NALCN: variants seen among roughly 807,000 people sequenced by gnomAD.
NALCN encodes the protein sodium leak channel, non-selective, also known as sodium leak channel NALCN.
A neutral mutation model predicts 225.3 loss-of-function variants in NALCN; 111 were observed. The observed-to-expected ratio is 0.49, with a 90% CI of 0.42 to 0.58. The LOEUF (loss-of-function observed/expected upper bound fraction) is 0.58, where lower values mean the gene tolerates loss of function less well. Among genes scored for constraint, NALCN ranks in the 20% least tolerant of loss-of-function variants. The pLI, the probability that NALCN is intolerant of heterozygous loss-of-function variation, is 0.00. For synonymous variants in NALCN, 764 were observed against 769.0 expected (o/e 0.99, Z 0.11); for missense variants, 1,378 against 2,202.4 (o/e 0.63, Z 7.49).
At position 101,363,352 on chromosome 13, in the gene NALCN, T is replaced by C. The variant is rs993798991; in HGVS notation, c.644+13348A>G. ...GACTTCAAAATATGCTACAAAGCTA[T>C]AGCAACCAAACCAGCATGGTACTGG... On this transcript the variant is annotated intron_variant, in intron 6 of 43. Coordinates refer to ENST00000251127, the MANE Select transcript of NALCN (RefSeq NM_052867.4). Among the ~76,000 whole-genome samples the C allele has an allele frequency of 5.3e-5, 8 of 152,068 alleles. 1 individual carries two copies. Among genetic ancestry groups the C allele is most frequent in the Non-Finnish European group, 8.8e-5 (6 of 67,980 alleles).
Position 101,068,698 on chromosome 13 carries a change from C to CA in NALCN, c.4326dup (p.Val1443CysfsTer15). ...GTATTCAACTAACATCACTTACCTA[C>CA]AAGCAGATTTAGCATGATGTAGGCA... On this transcript the variant is annotated frameshift_variant, in exon 38 of 44. Transcript: ENST00000251127. LOFTEE classifies it high-confidence loss of function. The CA allele has an allele frequency of 6.3e-7, 1 of 1,595,642 alleles. No individual in the cohort carries two copies. Among genetic ancestry groups the CA allele is most frequent in the Non-Finnish European group, 8.5e-7 (1 of 1,172,554 alleles).
At chr13:101,233,936 A>G (rs1241486592) in intron 12 of NALCN, among the ~76,000 whole-genome samples, 1 of 152,080 alleles carries the variant, frequency 6.6e-6, no homozygotes, top group Non-Finnish European at 1.5e-5. Context: ...CCTTTGTGCT[A>G]TTCCTTGAAC....
intron 6 of NALCN, among the ~76,000 whole-genome samples, chr13:101,359,925 G>A (rs1358282586): frequency 6.6e-6 from 1 of 152,080 alleles, no homozygotes; most frequent in Admixed American, 6.5e-5. Flanking sequence ...ATTAAGATTT[G>A]AGAGGTACCT....
intron 18 of NALCN, among the ~76,000 whole-genome samples, chr13:101,114,386 G>A (rs889182660): frequency 4.6e-5 from 7 of 151,930 alleles, no homozygotes; most frequent in East Asian, 1.9e-4. Context: ...CTTTTCCCGC[G>A]TCATGGTGGA....
chr13:101,381,820 T>C (rs1005766952), intron 3 of NALCN, among the ~76,000 whole-genome samples: 8 of 152,102 alleles, frequency 5.3e-5, no homozygotes, highest in African/African-American at 1.7e-4. Flanking sequence ...TGGACTTTTA[T>C]TAAATGAACA....
At chr13:101,256,316 C>A (rs2042227289) in intron 11 of NALCN, among the ~76,000 whole-genome samples, 1 of 152,122 alleles carries the variant, frequency 6.6e-6, no homozygotes, top group African/African-American at 2.4e-5. Flanking sequence ...CCATTCTCCT[C>A]CCATTTCCAC....
At chr13:101,325,326 C>G (rs1431239941) in intron 7 of NALCN, among the ~76,000 whole-genome samples, 1 of 152,156 alleles carries the variant, frequency 6.6e-6, no homozygotes, top group African/African-American at 2.4e-5. Context: ...GTTTGTTGGC[C>G]TAGGTGAAAG....
At chr13:101,149,068 C>A (rs1457251956) in intron 15 of NALCN, among the ~76,000 whole-genome samples, 1 of 152,144 alleles carries the variant, frequency 6.6e-6, no homozygotes, top group Non-Finnish European at 1.5e-5. Flanking sequence ...CCGAGGTGGG[C>A]GGATCACGAG....
In NALCN at chr13:101,399,025, G is replaced by A; in HGVS notation, c.102C>T (p.Asn34=). 6.4e-7 allele frequency: 1 copy of A among 1,562,868 alleles called. No individual in the cohort carries two copies. Among genetic ancestry groups the A allele is most frequent in the Non-Finnish European group, 8.8e-7 (1 of 1,133,472 alleles). The change falls in exon 2 of 44, where the codon AAC becomes AAT. Residue 34 remains asparagine (N), a synonymous_variant. Coordinates refer to ENST00000251127, the MANE Select transcript of NALCN (RefSeq NM_052867.4). ...ACTCAAAGAAGAAACTTACTGGTTT[G>A]TTAATCCAGAGGATGTCAGCATTAT... ...LSDNADILWI[N]KPWVHSLLRI...
rs1445739234 is a variant in NALCN at position 101,107,804 on chromosome 13, A to G, written c.2365-15T>C. ...GTATTGGAATGCTAGAAATAAATTA[A>G]CAGGGGGTGTGTTAAAACAGGAGGG... On this transcript the variant is annotated splice_polypyrimidine_tract_variant and intron_variant, in intron 20 of 43. Coordinates refer to ENST00000251127, the MANE Select transcript of NALCN (RefSeq NM_052867.4). 1.2e-6 allele frequency: 2 copies of G among 1,604,956 alleles called. No individual in the cohort carries two copies. The highest frequency in any genetic ancestry group is 2.2e-5 in the South Asian group (2 of 88,890).
chr13:101,269,211 CATATATATAT>C (rs60240326), intron 10 of NALCN, among the ~76,000 whole-genome samples: 1,461 of 145,310 alleles, frequency 0.01, 23 homozygotes, highest in African/African-American at 0.033. Context: ...AGAAAAAGCT[CATATATATAT>C]ATATATATAT....
At chr13:101,385,007 C>G (rs1335789740) in intron 3 of NALCN, among the ~76,000 whole-genome samples, 1 of 152,196 alleles carries the variant, frequency 6.6e-6, no homozygotes, top group African/African-American at 2.4e-5. Context: ...TATTCAAACA[C>G]AAATCAGATT....
chr13:101,149,249 T>TCCC (rs1566344702), intron 15 of NALCN, among the ~76,000 whole-genome samples: 2 of 149,722 alleles, frequency 1.3e-5, no homozygotes, highest in Non-Finnish European at 2.9e-5. Flanking sequence ...GCCAAGATTG[T>TCCC]GCCACTGCAC....
chr13:101,176,218 A>G, intron 15 of NALCN, 82 bp downstream of exon 15: 2 of 1,032,454 alleles, frequency 1.9e-6, no homozygotes, highest in South Asian at 2.4e-5. Flanking sequence ...TTGAAGCTCA[A>G]ATTTTTAATA....
chr13:101,381,459 G>A (rs926942966), intron 3 of NALCN, among the ~76,000 whole-genome samples: 8 of 152,128 alleles, frequency 5.3e-5, no homozygotes, highest in African/African-American at 1.7e-4. Flanking sequence ...TTGCACAGTT[G>A]AAAATGTAAA....
rs368170829 is a variant in NALCN, at chr13:101,395,389, T to C, written c.109-24A>G. The C allele has an allele frequency of 3.1e-6, 5 of 1,605,982 alleles. No individual in the cohort carries two copies. In the Middle Eastern group the frequency reaches 5.0e-4, roughly 160 times the overall value. ...CACTGCAATGATGGTCCAGAGTTAC[T>C]ACACGGCACCATAACTGATATCTCA... is the stretch of plus-strand genomic sequence containing the variant. On this transcript the variant is annotated intron_variant, in intron 2 of 43. Transcript: ENST00000251127.
intron 12 of NALCN, among the ~76,000 whole-genome samples, chr13:101,235,965 G>T (rs1466444475): frequency 1.3e-5 from 2 of 152,010 alleles, no homozygotes; most frequent in Non-Finnish European, 2.9e-5. Context: ...TTTTCCTAAG[G>T]GGTTAGAGTC....
chr13:101,090,754 C>T (rs2034190111), intron 28 of NALCN, among the ~76,000 whole-genome samples: 1 of 152,090 alleles, frequency 6.6e-6, no homozygotes, highest in South Asian at 2.1e-4. Context: ...CACGTGCAGG[C>T]TTGTTACATG....
At chr13:101,398,730 G>C (rs2047384266) in intron 2 of NALCN, among the ~76,000 whole-genome samples, 1 of 152,068 alleles carries the variant, frequency 6.6e-6, no homozygotes, top group Non-Finnish European at 1.5e-5. Flanking sequence ...CCCAGCTTTG[G>C]ATCAGCCTAA....
Sources: allele counts gnomAD v4.1 joint callset (sites outside exome capture counted in the v4.1 genomes callset), GRCh38; gene constraint gnomAD v4.1.1; transcripts MANE v1.5; gene names NCBI Gene and HGNC (gene_info 2026-07-23, HGNC 2026-07-21).